ZFP90: variants seen among roughly 807,000 people sequenced by gnomAD.
ZFP90 encodes ZFP90 zinc finger protein.
A neutral mutation model predicts 60.8 loss-of-function variants in ZFP90; 38 were observed. The ratio of observed to expected loss-of-function variants is 0.62; its 90% CI spans 0.48 to 0.82. The LOEUF (loss-of-function observed/expected upper bound fraction) is 0.82. ZFP90 is among the 40% of genes least tolerant of loss of function. The pLI, the probability that ZFP90 is intolerant of heterozygous loss-of-function variation, is 0.00. For synonymous variants in ZFP90, 287 were observed against 264.8 expected (o/e 1.08, Z -0.82); for missense variants, 711 against 759.1 (o/e 0.94, Z 0.74).
In ZFP90 at chr16:68,565,885, G is replaced by C; in HGVS notation, c.*1187G>C. The C allele has an allele frequency of 1.0e-6, 1 of 978,924 alleles. No homozygotes were observed. The highest frequency in any genetic ancestry group is 1.2e-6 in the Non-Finnish European group (1 of 824,186). The allele number at this position is 978,924 out of a possible 1,614,324, so 60.6% of individuals were successfully genotyped here. On this transcript the variant is annotated 3_prime_UTR_variant, in exon 5 of 5. Transcript: ENST00000563169. ...CACACCTGTAATCCCAGCACTTTGG[G>C]TGGCTAAGGCAGATAGACTGCTTGA...
intron 2 of ZFP90, among the ~76,000 whole-genome samples, chr16:68,572,437 C>A (rs1328050657): frequency 6.6e-6 from 1 of 152,280 alleles, no homozygotes; most frequent in South Asian, 2.1e-4. Flanking sequence ...GCTGATAAAG[C>A]TCCTAAGGTG....
intron 4 of ZFP90, among the ~76,000 whole-genome samples, chr16:68,560,313 AC>A (rs1859150378): frequency 6.6e-6 from 1 of 152,144 alleles, no homozygotes; most frequent in Non-Finnish European, 1.5e-5. Flanking sequence ...GTACCTGGTA[AC>A]CATTAATCTA....
chr16:68,566,186 C>T lies in ZFP90; in HGVS notation c.*1488C>T, dbSNP rs2091524031. 3.0e-6 allele frequency: 3 copies of T among 985,514 alleles called. No individual in the cohort carries two copies. The highest frequency in any genetic ancestry group is 3.6e-6 in the Non-Finnish European group (3 of 829,938). The allele number at this position is 985,514 out of a possible 1,614,324, so 61.0% of individuals were successfully genotyped here. A position where few individuals can be genotyped will look rare whatever the true frequency, so the allele number is the denominator to read the frequency against. ...TTCTATTAGTAAAGCATCAGCTAAG[C>T]TTCAGTGGCCTGCTCCATCCCCTAA... On this transcript the variant is annotated 3_prime_UTR_variant, in exon 5 of 5. Coordinates refer to ENST00000563169, the MANE Select transcript of ZFP90 (RefSeq NM_001305203.2).
chr16:68,549,007 A>AT (rs950095808), intron 2 of ZFP90, among the ~76,000 whole-genome samples: 9 of 151,966 alleles, frequency 5.9e-5, no homozygotes, highest in African/African-American at 2.2e-4. Context: ...ATTTTCCTGC[A>AT]TTGAGAATTA....
At chr16:68,558,634 A>G in intron 4 of ZFP90, 66 bp downstream of exon 4, 1 of 1,412,154 alleles carries the variant, frequency 7.1e-7, no homozygotes, top group South Asian at 1.2e-5. Flanking sequence ...GGAGGGGGAG[A>G]TACCCTCCAG....
At chr16:68,551,362 A>C (rs1000384703) in intron 2 of ZFP90, among the ~76,000 whole-genome samples, 1 of 151,344 alleles carries the variant, frequency 6.6e-6, no homozygotes, top group Non-Finnish European at 1.5e-5. Flanking sequence ...TTTGGGCTCA[A>C]CCATTTGGCC....
intron 2 of ZFP90, among the ~76,000 whole-genome samples, chr16:68,556,995 ACT>A (rs773734365): frequency 1.3e-5 from 2 of 152,042 alleles, no homozygotes; most frequent in African/African-American, 2.4e-5. Context: ...ATTGCATTTT[ACT>A]CTCTTTTTTT....
At chr16:68,553,019 T>A (rs2091286045) in intron 2 of ZFP90, among the ~76,000 whole-genome samples, 1 of 152,118 alleles carries the variant, frequency 6.6e-6, no homozygotes, top group South Asian at 2.1e-4. Flanking sequence ...ACCACTGCAC[T>A]CCAGCCCGGG....
At chr16:68,554,215 G>C (rs1169085590) in intron 2 of ZFP90, among the ~76,000 whole-genome samples, 1 of 151,386 alleles carries the variant, frequency 6.6e-6, no homozygotes, top group Admixed American at 6.6e-5. Flanking sequence ...TCCACCTCCC[G>C]GGTTCAAGTG....
chr16:68,551,212 T>C (rs2091254988), intron 2 of ZFP90, among the ~76,000 whole-genome samples: 1 of 152,168 alleles, frequency 6.6e-6, no homozygotes, highest in South Asian at 2.1e-4. Context: ...AGGGAACTCA[T>C]GTTATTGATG....
At chr16:68,575,424 G>A (rs1038113262) in intron 2 of ZFP90, among the ~76,000 whole-genome samples, 9 of 151,198 alleles carry the variant, frequency 6.0e-5, no homozygotes, top group Non-Finnish European at 1.2e-4. Flanking sequence ...CAGTGGAGAG[G>A]GGATGTAAGG....
chr16:68,573,268 G>C (rs148663002), intron 2 of ZFP90, among the ~76,000 whole-genome samples: 1 of 152,340 alleles, frequency 6.6e-6, no homozygotes, highest in East Asian at 1.9e-4. Context: ...AGGGAAACTA[G>C]GCTGCCCTGC....
chr16:68,557,889 T>A, intron 2 of ZFP90, 109 bp from the exon 3 acceptor site: 1 of 1,464,670 alleles, frequency 6.8e-7, no homozygotes, highest in South Asian at 1.2e-5. Flanking sequence ...CTCCTCAATC[T>A]AACAAATGTG....
At chr16:68,570,859 CAA>C (rs2091564270), downstream of ZFP90, among the ~76,000 whole-genome samples, 1 of 152,124 alleles carries the variant, frequency 6.6e-6, no homozygotes, top group Admixed American at 6.6e-5. Context: ...CTGCTTCTCC[CAA>C]GTTATCTTTC....
In ZFP90 at chr16:68,539,837, G is replaced by T. The variant is rs762809577; in HGVS notation, c.33+12G>T. On this transcript the variant is annotated intron_variant, in intron 2 of 4. Transcript: ENST00000563169. Reference sequence around the variant, plus strand: ...CCGCCGCGCCCCAGGTGAGCAACGCGTTCCTAACCTCCTGGGCATCCCATC... The same window carrying T: ...CCGCCGCGCCCCAGGTGAGCAACGCTTTCCTAACCTCCTGGGCATCCCATC... The T allele has an allele frequency of 1.5e-5, 24 of 1,606,258 alleles. No homozygotes were observed. Among genetic ancestry groups the T allele is most frequent in the East Asian group, 2.2e-5 (1 of 44,750 alleles).
intron 2 of ZFP90, among the ~76,000 whole-genome samples, chr16:68,540,795 G>A (rs1316446238): frequency 9.7e-6 from 1 of 102,642 alleles, no homozygotes; most frequent in African/African-American, 4.0e-5. Context: ...AACATAGTGA[G>A]ACTCCGTCTC....
chr16:68,555,964 T>G (rs908652810), intron 2 of ZFP90, among the ~76,000 whole-genome samples: 6 of 152,236 alleles, frequency 3.9e-5, no homozygotes, highest in Admixed American at 3.3e-4. Context: ...CTTTTTGCAC[T>G]AATTGTCTTT....
upstream of ZFP90, among the ~76,000 whole-genome samples, chr16:68,535,004 TTATAC>T (rs1485568704): frequency 6.6e-6 from 1 of 152,214 alleles, no homozygotes; most frequent in African/African-American, 2.4e-5. Context: ...GTTATGAATA[TTATAC>T]TATTTTTTCT....
upstream of ZFP90, among the ~76,000 whole-genome samples, chr16:68,535,283 G>A (rs2090951923): frequency 6.6e-6 from 1 of 152,186 alleles, no homozygotes; most frequent in Non-Finnish European, 1.5e-5. Flanking sequence ...ATAGGAACCA[G>A]GTTTGGTTAC....
Sources: allele counts gnomAD v4.1 joint callset (sites outside exome capture counted in the v4.1 genomes callset), GRCh38; gene constraint gnomAD v4.1.1; transcripts MANE v1.5; gene names NCBI Gene and HGNC (gene_info 2026-07-23, HGNC 2026-07-21).